The following TCF4 variants were observed in gnomAD, a reference collection of about 807,000 sequenced individuals.
TCF4 encodes the protein SL3-3 enhancer factor 2.
Under a neutral mutation model 82.1 loss-of-function variants are expected in TCF4, and 3 were observed. The observed-to-expected ratio is 0.04, with a 90% CI of 0.02 to 0.09. The LOEUF (loss-of-function observed/expected upper bound fraction) is 0.09. Ranked by LOEUF, TCF4 falls within the 10% of genes least tolerant of loss-of-function variation. The probability of loss-of-function intolerance (pLI) is 1.00; values close to 1 mark genes in which losing one functional copy is unlikely to be tolerated. For synonymous variants in TCF4, 276 were observed against 309.6 expected, an observed-to-expected ratio of 0.89 and a Z score of 1.14; for missense variants, 518 against 852.7, an observed-to-expected ratio of 0.61 and a Z score of 4.89.
intron 8 of TCF4, among the ~76,000 whole-genome samples, chr18:55,329,355 C>A (rs1002077248): frequency 6.6e-6 from 1 of 152,182 alleles, no homozygotes; most frequent in Non-Finnish European, 1.5e-5. Context: ...CCACCCCACA[C>A]ATAAACACAG....
chr18:55,589,569 TAA>T (rs35325237), upstream of TCF4: 39 of 878,480 alleles, frequency 4.4e-5, no homozygotes, highest in East Asian at 2.0e-4. Flanking sequence ...TTATTGTTTA[TAA>T]AAAAAAAAAT....
At chr18:55,348,133 C>A (rs892362220) in intron 8 of TCF4, among the ~76,000 whole-genome samples, 7 of 152,052 alleles carry the variant, frequency 4.6e-5, no homozygotes, top group Admixed American at 1.3e-4. Flanking sequence ...TGGTGGTAAG[C>A]CATGTGGATC....
chr18:55,401,512 A>T (rs2093818257), intron 6 of TCF4: 1 of 989,300 alleles, frequency 1.0e-6, no homozygotes, highest in South Asian at 4.6e-5. Context: ...CCCAAGGCCC[A>T]GAAATTCAGC....
intron 5 of TCF4, among the ~76,000 whole-genome samples, chr18:55,448,126 A>G (rs1172329923): frequency 6.6e-6 from 1 of 152,230 alleles, no homozygotes; most frequent in East Asian, 1.9e-4. Context: ...ACTATTGTCT[A>G]GGAACGCTCT....
At chr18:55,442,204 G>C (rs993970883) in intron 5 of TCF4, among the ~76,000 whole-genome samples, 1 of 152,076 alleles carries the variant, frequency 6.6e-6, no homozygotes, top group African/African-American at 2.4e-5. Flanking sequence ...CTTGGCTATT[G>C]GGTCATTTTC....
intron 3 of TCF4, among the ~76,000 whole-genome samples, chr18:55,548,114 C>A (rs557294744): frequency 1.3e-5 from 2 of 152,136 alleles, no homozygotes; most frequent in South Asian, 4.1e-4. Context: ...GATTTGAATC[C>A]CAATTCCTTG....
At chr18:55,482,628 T>G (rs1211201974) in intron 3 of TCF4, 1 of 152,184 alleles carries the variant, frequency 6.6e-6, no homozygotes, top group East Asian at 1.9e-4. Flanking sequence ...ACTTCAGTCT[T>G]CCTATTGATG....
At chr18:55,467,154 C>T (rs1348164361) in intron 3 of TCF4, among the ~76,000 whole-genome samples, 1 of 152,050 alleles carries the variant, frequency 6.6e-6, no homozygotes, top group Non-Finnish European at 1.5e-5. Context: ...TCTATAGGAC[C>T]GGTGCTCATT....
At chr18:55,509,652 C>T (rs1249526717) in intron 3 of TCF4, among the ~76,000 whole-genome samples, 1 of 152,102 alleles carries the variant, frequency 6.6e-6, no homozygotes, top group African/African-American at 2.4e-5. Context: ...AAATCTCATC[C>T]CCTTTATACT....
chr18:55,444,158 G>A (rs571151776), intron 5 of TCF4, among the ~76,000 whole-genome samples: 5 of 152,312 alleles, frequency 3.3e-5, no homozygotes, highest in South Asian at 4.1e-4. Flanking sequence ...ACGAGGATAC[G>A]TATTAAGTCC....
At chr18:55,295,163 C>G (rs1748836521) in intron 8 of TCF4, among the ~76,000 whole-genome samples, 1 of 152,150 alleles carries the variant, frequency 6.6e-6, no homozygotes, top group Non-Finnish European at 1.5e-5. Flanking sequence ...GTTCTTCATC[C>G]CGTTGGCCTA....
intron 2 of TCF4, among the ~76,000 whole-genome samples, chr18:55,620,921 T>C (rs1300800594): frequency 6.6e-6 from 1 of 152,100 alleles, no homozygotes; most frequent in East Asian, 1.9e-4. Flanking sequence ...ACAATGTGAT[T>C]TTCCTTAGAA....
At chr18:55,577,851 G>A (rs530253628) in intron 3 of TCF4, among the ~76,000 whole-genome samples, 1 of 152,006 alleles carries the variant, frequency 6.6e-6, no homozygotes. Context: ...CCAAGGAGCA[G>A]AAAGTTTATA....
intron 2 of TCF4, among the ~76,000 whole-genome samples, chr18:55,620,890 C>A (rs868195229): frequency 3.3e-5 from 5 of 151,166 alleles, no homozygotes; most frequent in Admixed American, 6.6e-5. Flanking sequence ...TTCCTTCTTG[C>A]AACAAACATT....
intron 16 of TCF4, 59 bp from the exon 17 acceptor site, chr18:55,232,730 G>A: frequency 6.2e-7 from 1 of 1,600,544 alleles, no homozygotes; most frequent in Non-Finnish European, 8.6e-7. Context: ...CTGCACACCA[G>A]ATTGCAAGGC....
chr18:55,631,354 A>T (rs2097731455), exon 2 of TCF4: 1 of 1,548,484 alleles, frequency 6.5e-7, no homozygotes, highest in South Asian at 1.2e-5. Context: ...CGTCCAAGAG[A>T]TAATGTTCTT....
chr18:55,498,208 C>A (rs1352064957), intron 3 of TCF4, among the ~76,000 whole-genome samples: 2 of 152,164 alleles, frequency 1.3e-5, no homozygotes, highest in African/African-American at 2.4e-5. Flanking sequence ...AGGGCTGGGT[C>A]CGGGGTTAAG....
rs114265977 is a variant in TCF4 at position 55,451,780 on chromosome 18, C to T, written c.304+9239G>A. ...TCCAGAAGTAGGGTACTGGTTAATA[C>T]TGTCACAGACACATTTTAAGTATAG... On this transcript the variant is annotated intron_variant, in intron 5 of 19. Transcript: ENST00000354452. Among the ~76,000 whole-genome samples the T allele has an allele frequency of 5.1e-3, 772 of 152,294 alleles. 3 individuals carry two copies. The highest frequency in any genetic ancestry group is 0.017 in the African/African-American group (712 of 41,564).
At chr18:55,286,781 G>A (rs1027680598) in intron 8 of TCF4, among the ~76,000 whole-genome samples, 1 of 152,128 alleles carries the variant, frequency 6.6e-6, no homozygotes, top group Non-Finnish European at 1.5e-5. Context: ...TACTAATGGA[G>A]GAAGAAGAAT....
Sources: allele counts gnomAD v4.1 joint callset (sites outside exome capture counted in the v4.1 genomes callset), GRCh38; gene constraint gnomAD v4.1.1; transcripts MANE v1.5; gene names NCBI Gene and HGNC (gene_info 2026-07-23, HGNC 2026-07-21).